The following SLC36A4 variants were observed in gnomAD, a reference collection of about 807,000 sequenced individuals.
SLC36A4 encodes the protein neutral amino acid uniporter 4.
SLC36A4 carries 49 observed loss-of-function variants against 50.5 expected under a neutral mutation model. That is an observed-to-expected ratio of 0.97 (90% CI 0.77 to 1.23). SLC36A4 has a LOEUF of 1.23. Ranked by LOEUF, SLC36A4 falls within the 50% of genes most tolerant of loss-of-function variation. SLC36A4 has a pLI of 0.00. For missense variants in SLC36A4, 611 were observed against 608.4 expected (o/e 1.00, Z -0.05); for synonymous variants, 207 against 206.5 (o/e 1.00, Z -0.02).
chr11:93,179,073 A>T (rs1272419210), intron 6 of SLC36A4, among the ~76,000 whole-genome samples: 1 of 152,204 alleles, frequency 6.6e-6, no homozygotes, highest in African/African-American at 2.4e-5. Flanking sequence ...TTTGCACAGG[A>T]TGGGAGCAAG....
intron 10 of SLC36A4, among the ~76,000 whole-genome samples, chr11:93,149,766 G>A (rs1001126574): frequency 1.3e-5 from 2 of 152,010 alleles, no homozygotes; most frequent in African/African-American, 4.8e-5. Context: ...TCCTGGACCA[G>A]AAAAGGATCT....
intron 10 of SLC36A4, chr11:93,152,665 TACA>T (rs1194745471): frequency 1.3e-5 from 2 of 152,050 alleles, no homozygotes; most frequent in Non-Finnish European, 2.9e-5. Context: ...ATAACTTCAA[TACA>T]ACAATGCCAG....
chr11:93,192,260 G>T (rs902795429), intron 1 of SLC36A4, among the ~76,000 whole-genome samples: 50 of 152,266 alleles, frequency 3.3e-4, no homozygotes, highest in African/African-American at 1.2e-3. Context: ...TGAGCAGCGT[G>T]GATATCCTGT....
At chr11:93,184,824 A>G (rs1272085982) in intron 2 of SLC36A4, among the ~76,000 whole-genome samples, 1 of 152,224 alleles carries the variant, frequency 6.6e-6, no homozygotes, top group African/African-American at 2.4e-5. Context: ...GTGGTTTTGT[A>G]CACAGTGAAG....
At chr11:93,154,014 T>C (rs990752462) in intron 10 of SLC36A4, 94 bp downstream of exon 10, 3 of 596,846 alleles carry the variant, frequency 5.0e-6, no homozygotes, top group Non-Finnish European at 5.2e-6. Context: ...ATACATCTTA[T>C]GTAGCTTTCA....
chr11:93,181,695 C>T lies in SLC36A4; in HGVS notation c.451G>A (p.Gly151Arg), dbSNP rs577760245. 1.8e-5 allele frequency: 28 copies of T among 1,528,836 alleles called. No individual in the cohort carries two copies. Among genetic ancestry groups the T allele is most frequent in the South Asian group, 1.4e-4 (11 of 79,822 alleles). The allele number at this position is 1,528,836 out of a possible 1,614,324, so 94.7% of individuals were successfully genotyped here. A position where few individuals can be genotyped will look rare whatever the true frequency, so the allele number is the denominator to read the frequency against. Residue 151 changes from glycine to arginine, a missense_variant, in exon 5 of 11, where the codon GGG (glycine) becomes AGG (arginine). Physicochemically the swap from Gly to Arg is moderately radical, Grantham distance 125. Transcript: ENST00000326402. ...AATAACAGAGTAAGTACTTACCGCC[C>T]CCATGCTGCTTGCTTCTGAAGACAA... ...WSCLQKQAAW[G>R]RSVVDFFLVI... is the part of the protein sequence containing the mutation.
At chr11:93,170,811 C>T (rs1277888134) in intron 6 of SLC36A4, among the ~76,000 whole-genome samples, 1 of 151,982 alleles carries the variant, frequency 6.6e-6, no homozygotes, top group Non-Finnish European at 1.5e-5. Flanking sequence ...ACTGATTGTA[C>T]ATAAAGACTT....
intron 1 of SLC36A4, among the ~76,000 whole-genome samples, chr11:93,191,366 T>A (rs1456186018): frequency 6.6e-6 from 1 of 152,164 alleles, no homozygotes; most frequent in East Asian, 1.9e-4. Context: ...TTGAGAAACT[T>A]TAGGTTGGTT....
chr11:93,187,648 T>C (rs935372117), intron 1 of SLC36A4, among the ~76,000 whole-genome samples: 6 of 152,232 alleles, frequency 3.9e-5, no homozygotes, highest in African/African-American at 1.4e-4. Context: ...AAGTATTTCA[T>C]ACACAGGAAT....
chr11:93,162,083 C>CA (rs1860642932), intron 9 of SLC36A4, among the ~76,000 whole-genome samples: 1 of 139,406 alleles, frequency 7.2e-6, no homozygotes, highest in Non-Finnish European at 1.6e-5. Context: ...TATTAGGAAG[C>CA]GTGAGTGTTT....
intron 1 of SLC36A4, among the ~76,000 whole-genome samples, chr11:93,195,857 C>T (rs1301973764): frequency 6.6e-6 from 1 of 152,174 alleles, no homozygotes; most frequent in South Asian, 2.1e-4. Flanking sequence ...CCCATCCCAA[C>T]CATTTTATAA....
chr11:93,150,906 C>G (rs145197326), intron 10 of SLC36A4, among the ~76,000 whole-genome samples: 83 of 152,084 alleles, frequency 5.5e-4, no homozygotes, highest in African/African-American at 2.0e-3. Flanking sequence ...ATCCATTTTT[C>G]TTTGTTTATC....
chr11:93,160,781 A>G, intron 9 of SLC36A4: 1 of 958,110 alleles, frequency 1.0e-6, no homozygotes, highest in Non-Finnish European at 1.2e-6. Flanking sequence ...TACATTTGGC[A>G]TTAAAAATAG....
At chr11:93,176,943 C>T (rs776600047) in intron 6 of SLC36A4, among the ~76,000 whole-genome samples, 40 of 152,092 alleles carry the variant, frequency 2.6e-4, no homozygotes, top group Non-Finnish European at 4.9e-4. Flanking sequence ...AGTTGCTCTT[C>T]TCGAGGTGTT....
chr11:93,168,596 T>A (rs917829185), intron 6 of SLC36A4, among the ~76,000 whole-genome samples: 10 of 152,044 alleles, frequency 6.6e-5, no homozygotes, highest in Non-Finnish European at 1.5e-4. Flanking sequence ...TTTCTTCAGA[T>A]AGGAAACAAG....
In SLC36A4 at chr11:93,154,290, AT is replaced by A; in HGVS notation, c.1038-14del. On this transcript the variant is annotated splice_polypyrimidine_tract_variant and intron_variant, in intron 9 of 10. Coordinates refer to ENST00000326402, the MANE Select transcript of SLC36A4 (RefSeq NM_152313.4). Reference sequence around the variant, plus strand: ...TGATTGATATAACCTGTTGAAAAAAATTTTCAAAATTTAGTCATTTTTAATG... The same window carrying A: ...TGATTGATATAACCTGTTGAAAAAAATTTCAAAATTTAGTCATTTTTAATG... 7.6e-7 allele frequency: 1 copy of A among 1,316,408 alleles called. No individual in the cohort carries two copies. The highest frequency in any genetic ancestry group is 2.8e-5 in the East Asian group (1 of 35,524). The allele number at this position is 1,316,408 out of a possible 1,614,324, so 81.5% of individuals were successfully genotyped here. A position where few individuals can be genotyped will look rare whatever the true frequency, so the allele number is the denominator to read the frequency against.
At chr11:93,158,781 T>C (rs1860480575) in intron 9 of SLC36A4, among the ~76,000 whole-genome samples, 1 of 152,124 alleles carries the variant, frequency 6.6e-6, no homozygotes, top group South Asian at 2.1e-4. Flanking sequence ...AGGCTTCTTT[T>C]GTACTACGTT....
chr11:93,183,270 C>T lies in SLC36A4; in HGVS notation c.271-376G>A, dbSNP rs141901855. ...AATCCCGAAAACGCACAATATCAAACGGAGACTGTGAGCAATTTATTTCTT... is the reference window on the plus strand; with the variant it reads ...AATCCCGAAAACGCACAATATCAAATGGAGACTGTGAGCAATTTATTTCTT... On this transcript the variant is annotated intron_variant, in intron 3 of 10. Coordinates refer to ENST00000326402, the MANE Select transcript of SLC36A4 (RefSeq NM_152313.4). 2.6e-5 allele frequency among the ~76,000 whole-genome samples: 4 copies of T among 152,266 alleles called. No homozygotes were observed. In the East Asian group the frequency reaches 7.7e-4, roughly 29 times the overall value.
intron 1 of SLC36A4, among the ~76,000 whole-genome samples, chr11:93,187,280 A>G (rs1437853906): frequency 6.6e-6 from 1 of 152,130 alleles, no homozygotes; most frequent in Non-Finnish European, 1.5e-5. Flanking sequence ...AAGTCTAGTA[A>G]CTTTACTACA....
Sources: allele counts gnomAD v4.1 joint callset (sites outside exome capture counted in the v4.1 genomes callset), GRCh38; gene constraint gnomAD v4.1.1; transcripts MANE v1.5; gene names NCBI Gene and HGNC (gene_info 2026-07-23, HGNC 2026-07-21).